Variants in TUSC3 observed in about 807,000 individuals in gnomAD.
TUSC3 encodes tumor suppressor candidate 3.
Under a neutral mutation model 44.8 loss-of-function variants are expected in TUSC3, and 45 were observed. The observed-to-expected ratio is 1.00, with a 90% confidence interval of 0.79 to 1.29. TUSC3 has a LOEUF of 1.29. Ranked by LOEUF, TUSC3 falls within the 50% of genes most tolerant of loss-of-function variation. The probability of loss-of-function intolerance (pLI) is 0.00; values close to 1 mark genes in which losing one functional copy is unlikely to be tolerated. For synonymous variants in TUSC3, 212 were observed against 152.9 expected, an observed-to-expected ratio of 1.39 and a Z score of -2.85; for missense variants, 519 against 437.9, an observed-to-expected ratio of 1.19 and a Z score of -1.65.
At chr8:15,763,784 C>G (rs62503680) in intron 10 of TUSC3, among the ~76,000 whole-genome samples, 29,658 of 151,818 alleles carry the variant, frequency 0.2, 3,800 homozygotes, top group Non-Finnish European at 0.29. Flanking sequence ...TGTAAATTAA[C>G]AAAAGACCAA....
intron 5 of TUSC3, among the ~76,000 whole-genome samples, chr8:15,670,321 A>G (rs1294895037): frequency 1.3e-5 from 2 of 151,892 alleles, no homozygotes; most frequent in Non-Finnish European, 2.9e-5. Context: ...AACATTTATT[A>G]TAGATCTTTA....
intron 1 of TUSC3, among the ~76,000 whole-genome samples, chr8:15,467,112 A>G (rs1331472559): frequency 6.6e-6 from 1 of 152,050 alleles, no homozygotes; most frequent in African/African-American, 2.4e-5. Context: ...AAGGATTCAG[A>G]AAGGAGGCAT....
In TUSC3 at chr8:15,729,352, G is replaced by A. The variant is rs185640529; in HGVS notation, c.799-1314G>A. On this transcript the variant is annotated intron_variant, in intron 6 of 10. Coordinates refer to ENST00000503731, the MANE Select transcript of TUSC3 (RefSeq NM_006765.4). ...TACATACCTATACAAACAGTCCTAGGTTTCAGTCCAAACTTCATCAGTTAC... is the reference window on the plus strand; with the variant it reads ...TACATACCTATACAAACAGTCCTAGATTTCAGTCCAAACTTCATCAGTTAC... 2.6e-3 allele frequency among the ~76,000 whole-genome samples: 402 copies of A among 152,212 alleles called. 1 individual carries two copies. Among genetic ancestry groups the A allele is most frequent in the African/African-American group, 8.5e-3 (353 of 41,532 alleles).
At chr8:15,700,045 T>C (rs1004614526) in intron 6 of TUSC3, among the ~76,000 whole-genome samples, 16 of 152,168 alleles carry the variant, frequency 1.1e-4, no homozygotes, top group African/African-American at 3.9e-4. Context: ...ATTATAGAGA[T>C]TAAATACCCT....
chr8:15,842,566 G>A, the TUSC3 span, among the ~76,000 whole-genome samples: 1 of 152,138 alleles, frequency 6.6e-6, no homozygotes, highest in Non-Finnish European at 1.5e-5. Flanking sequence ...GGAGCAAAAT[G>A]ATGAGGGCAG....
chr8:15,590,813 A>T (rs935497352), intron 1 of TUSC3, among the ~76,000 whole-genome samples: 5 of 151,888 alleles, frequency 3.3e-5, no homozygotes, highest in African/African-American at 1.2e-4. Context: ...CTGGCACAAC[A>T]GGTGCACACC....
At chr8:15,550,156 G>A (rs1802011564) in intron 1 of TUSC3, among the ~76,000 whole-genome samples, 1 of 151,752 alleles carries the variant, frequency 6.6e-6, no homozygotes, top group South Asian at 2.1e-4. Context: ...TAGGTCAGGG[G>A]TCGTTCTTTA....
At chr8:15,436,781 T>C (rs146870100) in intron 1 of TUSC3, among the ~76,000 whole-genome samples, 3 of 152,318 alleles carry the variant, frequency 2.0e-5, no homozygotes, top group Non-Finnish European at 4.4e-5. Flanking sequence ...CATTCACAGC[T>C]GTAAGACTGT....
At chr8:15,789,918 C>A in the TUSC3 span, among the ~76,000 whole-genome samples, 1 of 152,068 alleles carries the variant, frequency 6.6e-6, no homozygotes, top group Non-Finnish European at 1.5e-5. Flanking sequence ...TGACTCTGCC[C>A]AGGAAAGAAT....
intron 8 of TUSC3, among the ~76,000 whole-genome samples, chr8:15,746,920 GT>G (rs1008160749): frequency 1.1e-4 from 16 of 151,628 alleles, no homozygotes; most frequent in African/African-American, 3.9e-4. Flanking sequence ...TTTCAAAAAT[GT>G]TTTTTTTATT....
chr8:15,556,027 T>A (rs1802251401), intron 1 of TUSC3, among the ~76,000 whole-genome samples: 1 of 151,268 alleles, frequency 6.6e-6, no homozygotes, highest in Non-Finnish European at 1.5e-5. Flanking sequence ...TTATTATACT[T>A]TAAGTTTTAG....
the TUSC3 span, among the ~76,000 whole-genome samples, chr8:15,784,152 T>C: frequency 2.0e-5 from 3 of 152,064 alleles, no homozygotes; most frequent in African/African-American, 7.2e-5. Flanking sequence ...AGATACGACC[T>C]CACAACCATT....
chr8:15,750,448 CTA>C (rs1286309121), intron 9 of TUSC3, among the ~76,000 whole-genome samples: 1 of 151,912 alleles, frequency 6.6e-6, no homozygotes, highest in Non-Finnish European at 1.5e-5. Context: ...AAATATTTTA[CTA>C]GTTTTTTATA....
At chr8:15,628,114 A>T (rs1325070074) in intron 2 of TUSC3, among the ~76,000 whole-genome samples, 1 of 152,260 alleles carries the variant, frequency 6.6e-6, no homozygotes, top group Non-Finnish European at 1.5e-5. Context: ...CATTTAAAAA[A>T]TACTGTAAAT....
intron 1 of TUSC3, among the ~76,000 whole-genome samples, chr8:15,471,346 T>C (rs941617178): frequency 2.0e-5 from 3 of 152,190 alleles, no homozygotes; most frequent in Non-Finnish European, 2.9e-5. Context: ...TTAATATAAA[T>C]TATTTTTTGT....
intron 1 of TUSC3, among the ~76,000 whole-genome samples, chr8:15,581,435 C>T (rs1459192394): frequency 6.7e-6 from 1 of 149,122 alleles, no homozygotes; most frequent in African/African-American, 2.5e-5. Flanking sequence ...TGTTTTTTCC[C>T]CATCTTTGTG....
rs1219565001 is a variant in TUSC3, at chr8:15,650,798, C to G, written c.410C>G (p.Thr137Arg). 1 of 1,613,952 alleles carries G rather than the reference C, an allele frequency of 6.2e-7. No homozygotes were observed. The highest frequency in any genetic ancestry group is 8.5e-7 in the Non-Finnish European group (1 of 1,179,902). ...AGTATGGTGGACTATGATGAGGGGA[C>G]AGACGTTTTTCAGCAGGTAAAGAGT... is the stretch of plus-strand genomic sequence containing the variant. ...FFSMVDYDEG[T>R]DVFQQLNMNS... The change falls in exon 3 of 11, where the codon ACA (threonine) becomes AGA (arginine). Residue 137 changes from threonine (T) to arginine (R), a missense_variant. By Grantham distance (71) the Thr-to-Arg change is moderately conservative. Transcript: ENST00000503731.
At chr8:15,456,344 C>T (rs1324911885) in intron 1 of TUSC3, among the ~76,000 whole-genome samples, 2 of 151,988 alleles carry the variant, frequency 1.3e-5, no homozygotes, top group Admixed American at 1.3e-4. Flanking sequence ...ACCAATTTGG[C>T]CTTTAGTTTC....
chr8:15,583,138 G>A (rs1453082383), intron 1 of TUSC3, among the ~76,000 whole-genome samples: 1 of 152,148 alleles, frequency 6.6e-6, no homozygotes, highest in Non-Finnish European at 1.5e-5. Context: ...AACTAGAACT[G>A]TTCTAAACAA....
Sources: allele counts gnomAD v4.1 joint callset (sites outside exome capture counted in the v4.1 genomes callset), GRCh38; gene constraint gnomAD v4.1.1; transcripts MANE v1.5; gene names NCBI Gene and HGNC (gene_info 2026-07-23, HGNC 2026-07-21).